The following PPP3CA variants were observed in gnomAD, a reference collection of about 807,000 sequenced individuals.
PPP3CA encodes the protein protein phosphatase 3 catalytic subunit alpha.
In PPP3CA, 14 loss-of-function variants were observed where a neutral mutation model predicts 66.5. That is an observed-to-expected ratio of 0.21 (90% CI 0.14 to 0.33). The LOEUF (loss-of-function observed/expected upper bound fraction) is 0.33. Among genes scored for constraint, PPP3CA ranks in the 10% least tolerant of loss-of-function variants. PPP3CA has a pLI of 1.00. For synonymous variants in PPP3CA, 232 were observed against 226.2 expected, an observed-to-expected ratio of 1.03 and a Z score of -0.23; for missense variants, 317 against 639.5, an observed-to-expected ratio of 0.50 and a Z score of 5.44.
At chr4:101,112,008 T>A (rs1002944870) in intron 2 of PPP3CA, among the ~76,000 whole-genome samples, 1 of 152,132 alleles carries the variant, frequency 6.6e-6, no homozygotes. Flanking sequence ...TTCTTGTATC[T>A]TTTTTACTCT....
At position 101,270,593 on chromosome 4, in the gene PPP3CA, G is replaced by A. The variant is rs138727796; in HGVS notation, c.59-74477C>T. 4.4e-3 allele frequency among the ~76,000 whole-genome samples: 672 copies of A among 152,172 alleles called. 4 individuals are homozygous for A. The highest frequency in any genetic ancestry group is 0.015 in the African/African-American group (637 of 41,522). ...AGGAGGTTTTAAGGTAGACAGTATT[G>A]GTCTGTTAAATGGTCATAATTAAAG... On this transcript the variant is annotated intron_variant, in intron 1 of 13. Transcript: ENST00000394854.
At chr4:101,270,793 T>A (rs944074914) in intron 1 of PPP3CA, among the ~76,000 whole-genome samples, 1 of 152,178 alleles carries the variant, frequency 6.6e-6, no homozygotes, top group Non-Finnish European at 1.5e-5. Context: ...TTAATTATGG[T>A]ATATTTTACA....
Position 101,128,163 on chromosome 4 carries a change from C to G in PPP3CA, c.260-19085G>C, listed in dbSNP as rs186622893. On this transcript the variant is annotated intron_variant, in intron 2 of 13. Coordinates refer to ENST00000394854, the MANE Select transcript of PPP3CA (RefSeq NM_000944.5). ...GTGCCCTGAGAGCTAACATAAAAAT[C>G]CTTCTCAAAATTGCAGCTAGATAGG... 5.9e-5 allele frequency among the ~76,000 whole-genome samples: 9 copies of G among 152,280 alleles called. No individual in the cohort carries two copies. In the East Asian group the frequency reaches 1.7e-3, roughly 29 times the overall value.
intron 1 of PPP3CA, among the ~76,000 whole-genome samples, chr4:101,217,800 A>G (rs1725500944): frequency 6.6e-6 from 1 of 152,100 alleles, no homozygotes; most frequent in Admixed American, 6.6e-5. Flanking sequence ...GACAAGGTCC[A>G]GTGCAGTCGG....
At chr4:101,185,986 C>T (rs1724397689) in intron 2 of PPP3CA, among the ~76,000 whole-genome samples, 1 of 152,110 alleles carries the variant, frequency 6.6e-6, no homozygotes, top group Non-Finnish European at 1.5e-5. Flanking sequence ...ATATTAGCTC[C>T]TATCTAAAAA....
At chr4:101,085,833 T>TAC (rs963147650) in intron 6 of PPP3CA, among the ~76,000 whole-genome samples, 18 of 142,642 alleles carry the variant, frequency 1.3e-4, no homozygotes, top group African/African-American at 4.9e-4. Flanking sequence ...GCACTGCGTA[T>TAC]ATACACACAC....
At chr4:101,094,033 G>A in intron 5 of PPP3CA, 118 bp from the exon 6 acceptor site, 1 of 890,280 alleles carries the variant, frequency 1.1e-6, no homozygotes, top group Non-Finnish European at 1.6e-6. Context: ...ACAGCTCAGG[G>A]TGAAATGTCC....
chr4:101,140,705 G>T (rs1722779065), intron 2 of PPP3CA, among the ~76,000 whole-genome samples: 1 of 152,108 alleles, frequency 6.6e-6, no homozygotes, highest in Non-Finnish European at 1.5e-5. Context: ...TAAACATTGT[G>T]TTATGGACAA....
chr4:101,302,700 T>C (rs967651343), intron 1 of PPP3CA, among the ~76,000 whole-genome samples: 3 of 152,110 alleles, frequency 2.0e-5, no homozygotes, highest in African/African-American at 7.2e-5. Flanking sequence ...CTCAAACTAA[T>C]CTAAAAAACC....
intron 8 of PPP3CA, among the ~76,000 whole-genome samples, chr4:101,071,506 T>C (rs1331237915): frequency 6.6e-6 from 1 of 152,236 alleles, no homozygotes; most frequent in Non-Finnish European, 1.5e-5. Context: ...TCTTGTTGAA[T>C]GCTTTATAGA....
intron 1 of PPP3CA, among the ~76,000 whole-genome samples, chr4:101,233,792 A>C (rs1726039504): frequency 6.6e-6 from 1 of 151,338 alleles, no homozygotes; most frequent in African/African-American, 2.4e-5. Context: ...TTTGTGATAT[A>C]GGTAAACTCA....
intron 1 of PPP3CA, among the ~76,000 whole-genome samples, chr4:101,223,557 C>A (rs1293336752): frequency 6.6e-6 from 1 of 151,694 alleles, no homozygotes; most frequent in Non-Finnish European, 1.5e-5. Context: ...ACTGTTATAG[C>A]AATATTTATA....
intron 2 of PPP3CA, among the ~76,000 whole-genome samples, chr4:101,132,033 T>A (rs1469267845): frequency 6.6e-6 from 1 of 152,014 alleles, no homozygotes; most frequent in African/African-American, 2.4e-5. Context: ...AAGGCAGACA[T>A]AAAGAAGTTA....
chr4:101,314,482 T>C (rs962263362), intron 1 of PPP3CA, among the ~76,000 whole-genome samples: 6 of 140,188 alleles, frequency 4.3e-5, no homozygotes, highest in Non-Finnish European at 9.0e-5. Flanking sequence ...GAGAATGGCA[T>C]GAACCTGGGA....
intron 1 of PPP3CA, among the ~76,000 whole-genome samples, chr4:101,312,023 T>C (rs1253677036): frequency 3.9e-5 from 6 of 152,216 alleles, no homozygotes; most frequent in African/African-American, 9.6e-5. Flanking sequence ...ATGATAATAG[T>C]TGACATTTAA....
chr4:101,032,199 A>T, intron 12 of PPP3CA, 68 bp downstream of exon 12: 2 of 1,205,544 alleles, frequency 1.7e-6, no homozygotes, highest in Non-Finnish European at 2.2e-6. Context: ...GAATGAATAA[A>T]TCAGGGCTCT....
chr4:101,293,588 C>T (rs1163207643), intron 1 of PPP3CA, among the ~76,000 whole-genome samples: 2 of 152,186 alleles, frequency 1.3e-5, no homozygotes, highest in African/African-American at 4.8e-5. Context: ...TGTCCTATAA[C>T]ACACATGGGC....
chr4:101,291,015 A>G (rs181265215), intron 1 of PPP3CA, among the ~76,000 whole-genome samples: 11 of 152,352 alleles, frequency 7.2e-5, no homozygotes, highest in Admixed American at 2.6e-4. Context: ...GAACGAAGCC[A>G]TCGTAAGTAG....
intron 7 of PPP3CA, among the ~76,000 whole-genome samples, chr4:101,081,937 A>G (rs1171006364): frequency 6.6e-6 from 1 of 152,204 alleles, no homozygotes; most frequent in Non-Finnish European, 1.5e-5. Context: ...ACAACAAACA[A>G]AAACAAAGAA....
Sources: allele counts gnomAD v4.1 joint callset (sites outside exome capture counted in the v4.1 genomes callset), GRCh38; gene constraint gnomAD v4.1.1; transcripts MANE v1.5; gene names NCBI Gene and HGNC (gene_info 2026-07-23, HGNC 2026-07-21).